ANKS1B: variants seen among roughly 807,000 people sequenced by gnomAD.
ANKS1B encodes ankyrin repeat and sterile alpha motif domain-containing protein 1B.
Under a neutral mutation model 148.3 loss-of-function variants are expected in ANKS1B, and 36 were observed. The observed-to-expected ratio is 0.24, with a 90% CI of 0.19 to 0.32. ANKS1B has a LOEUF of 0.32. ANKS1B is among the 10% of genes least tolerant of loss of function. The pLI, the probability that ANKS1B is intolerant of heterozygous loss-of-function variation, is 1.00. For missense variants in ANKS1B, 1,157 were observed against 1,542.6 expected, an observed-to-expected ratio of 0.75 and a Z score of 4.19; for synonymous variants, 542 against 560.8, an observed-to-expected ratio of 0.97 and a Z score of 0.47.
chr12:98,969,103 T>C (rs2099881039), intron 17 of ANKS1B, among the ~76,000 whole-genome samples: 1 of 152,128 alleles, frequency 6.6e-6, no homozygotes, highest in South Asian at 2.1e-4. Flanking sequence ...AAGCTGAAAA[T>C]CTGAGGAGCT....
At chr12:99,848,363 T>C (rs1321298855) in intron 1 of ANKS1B, among the ~76,000 whole-genome samples, 1 of 152,152 alleles carries the variant, frequency 6.6e-6, no homozygotes, top group East Asian at 1.9e-4. Flanking sequence ...ATGTATTCCC[T>C]ACCATTCTCT....
chr12:99,941,732 AT>A (rs2094924798), intron 1 of ANKS1B, among the ~76,000 whole-genome samples: 2 of 152,302 alleles, frequency 1.3e-5, no homozygotes, highest in South Asian at 4.1e-4. Flanking sequence ...TTTAAGTTGA[AT>A]TTTAAAAGAC....
In ANKS1B at chr12:98,801,252, GA is replaced by G; in HGVS notation, c.3142-128del. 1.2e-6 allele frequency: 1 copy of G among 804,946 alleles called. No individual in the cohort carries two copies. Among genetic ancestry groups the G allele is most frequent in the Non-Finnish European group, 1.9e-6 (1 of 536,232 alleles). 49.9% of individuals were successfully genotyped at this position (804,946 alleles called of 1,614,324 possible). ...CAAAATGCATTTGGGTGTCTTATGT[GA>G]ATATAAATACTTGGTTATTACATTT... On this transcript the variant is annotated intron_variant, in intron 20 of 26. Coordinates refer to ENST00000683438, the MANE Select transcript of ANKS1B (RefSeq NM_001352186.2). This position sits in a 1 kb window ranked among gnomAD's most constrained non-coding sequence, Gnocchi z 5.2.
At chr12:99,964,939 T>C (rs908551692) in intron 1 of ANKS1B, among the ~76,000 whole-genome samples, 4 of 152,138 alleles carry the variant, frequency 2.6e-5, no homozygotes, top group Non-Finnish European at 5.9e-5. Flanking sequence ...ACTTATCAAA[T>C]AAGTATATAT....
At chr12:99,413,951 G>A (rs1404907927) in intron 11 of ANKS1B, among the ~76,000 whole-genome samples, 2 of 151,984 alleles carry the variant, frequency 1.3e-5, no homozygotes, top group African/African-American at 2.4e-5. Flanking sequence ...CCCTGACCGA[G>A]GCCCTGAGAG....
chr12:99,291,424 A>C (rs1242841366), intron 12 of ANKS1B, among the ~76,000 whole-genome samples: 1 of 152,186 alleles, frequency 6.6e-6, no homozygotes, highest in Non-Finnish European at 1.5e-5. Flanking sequence ...CAAAAGAACT[A>C]GGCTAGCCAA....
At position 99,959,227 on chromosome 12, in the gene ANKS1B, A is replaced by ATTTT. The variant is rs71088166; in HGVS notation, c.134+24873_134+24876dup. On this transcript the variant is annotated intron_variant, in intron 1 of 26. Transcript: ENST00000683438. ...AGGTGCAGGCCACCACACCCAGTTA[A>ATTTT]TTTTTTTTTTTTTTTTTTTTTTTGT... 2.2e-4 allele frequency among the ~76,000 whole-genome samples: 22 copies of ATTTT among 99,862 alleles called. 1 individual carries two copies. In the South Asian group the frequency reaches 3.1e-3, roughly 14 times the overall value. The allele number at this position is 99,862 out of a possible 152,430, so 65.5% of individuals were successfully genotyped here.
At chr12:99,914,043 A>T (rs886376620) in intron 1 of ANKS1B, among the ~76,000 whole-genome samples, 1 of 152,130 alleles carries the variant, frequency 6.6e-6, no homozygotes, top group Non-Finnish European at 1.5e-5. Context: ...GCTGATGCTG[A>T]CAGCTTCCCA....
At chr12:98,955,190 A>G (rs2099860221) in intron 17 of ANKS1B, among the ~76,000 whole-genome samples, 1 of 152,204 alleles carries the variant, frequency 6.6e-6, no homozygotes, top group African/African-American at 2.4e-5. Flanking sequence ...AAAAGATTAG[A>G]GAAGAGGGCT....
intron 8 of ANKS1B, among the ~76,000 whole-genome samples, chr12:99,698,669 G>A (rs2153516528): frequency 6.6e-6 from 1 of 152,260 alleles, no homozygotes; most frequent in Non-Finnish European, 1.5e-5. Flanking sequence ...TAAGCCTCGG[G>A]TTTATGAATC....
intron 11 of ANKS1B, among the ~76,000 whole-genome samples, chr12:99,430,762 T>C (rs1594680968): frequency 6.6e-6 from 1 of 152,202 alleles, no homozygotes; most frequent in African/African-American, 2.4e-5. Flanking sequence ...AATCACCTTG[T>C]AGGTTGGCTA....
chr12:99,504,450 G>A (rs777628538), intron 10 of ANKS1B, 26 bp downstream of exon 10: 1 of 1,604,786 alleles, frequency 6.2e-7, no homozygotes, highest in South Asian at 1.1e-5. Context: ...AATTGAATCA[G>A]GCCAATTGTG....
At chr12:99,221,680 A>G (rs1212389417) in intron 14 of ANKS1B, among the ~76,000 whole-genome samples, 1 of 152,246 alleles carries the variant, frequency 6.6e-6, no homozygotes, top group Non-Finnish European at 1.5e-5. Context: ...ATTTGATAAT[A>G]TGCTATATTG....
chr12:99,946,671 G>A (rs764342435), intron 1 of ANKS1B, among the ~76,000 whole-genome samples: 1 of 152,096 alleles, frequency 6.6e-6, no homozygotes. Context: ...TTACACTTTG[G>A]CCATGTGATT....
intron 15 of ANKS1B, among the ~76,000 whole-genome samples, chr12:99,085,682 C>T (rs1247868341): frequency 6.6e-6 from 1 of 152,056 alleles, no homozygotes; most frequent in Non-Finnish European, 1.5e-5. Context: ...ACTGTGCAGC[C>T]ATAGAAAAGA....
intron 9 of ANKS1B, among the ~76,000 whole-genome samples, chr12:99,534,656 A>G (rs114320436): frequency 0.01 from 1,525 of 151,980 alleles, 16 homozygotes; most frequent in African/African-American, 0.035. Flanking sequence ...AATGTGATAA[A>G]CATTTTACAA....
At position 99,856,705 on chromosome 12, in the gene ANKS1B, C is replaced by T. The variant is rs538202845; in HGVS notation, c.135-31316G>A. Among the ~76,000 whole-genome samples the T allele has an allele frequency of 9.9e-5, 15 of 152,144 alleles. No homozygotes were observed. In the South Asian group the frequency reaches 2.3e-3, roughly 23 times the overall value. Reference sequence around the variant, plus strand: ...CCACCACAATCAAGTGGGTTTCATACGAGGGATGCGGGGACGGTTTAACAT... The same window carrying T: ...CCACCACAATCAAGTGGGTTTCATATGAGGGATGCGGGGACGGTTTAACAT... On this transcript the variant is annotated intron_variant, in intron 1 of 26. Transcript: ENST00000683438.
intron 17 of ANKS1B, among the ~76,000 whole-genome samples, chr12:99,030,939 C>T (rs2099951728): frequency 6.6e-6 from 1 of 152,196 alleles, no homozygotes; most frequent in African/African-American, 2.4e-5. Flanking sequence ...TCCGTCTACC[C>T]TAGCTCACCC....
intron 10 of ANKS1B, among the ~76,000 whole-genome samples, chr12:99,477,679 T>A (rs2096347241): frequency 6.6e-6 from 1 of 152,196 alleles, no homozygotes; most frequent in African/African-American, 2.4e-5. Context: ...TGATATCCAT[T>A]GTTACTATCA....
Sources: gnomAD v4.1 joint callset for allele counts (sites outside exome capture counted in the v4.1 genomes callset) on GRCh38, gnomAD v4.1.1 for gene constraint, Gnocchi (gnomAD v3.1) non-coding constraint, MANE v1.5 for transcripts, NCBI Gene and HGNC (gene_info 2026-07-23, HGNC 2026-07-21) for gene names.